Variants in PHACTR4 observed in about 807,000 individuals in gnomAD.
PHACTR4 encodes the protein protein phosphatase 1, regulatory subunit 124.
PHACTR4 carries 51 observed loss-of-function variants against 72.7 expected under a neutral mutation model. The ratio of observed to expected loss-of-function variants is 0.70; its 90% CI spans 0.56 to 0.89. PHACTR4 has a LOEUF of 0.89. PHACTR4 is among the 40% of genes least tolerant of loss of function. The pLI is 0.00. For synonymous variants in PHACTR4, 255 were observed against 302.5 expected (o/e 0.84, Z 1.63); for missense variants, 731 against 861.8 (o/e 0.85, Z 1.90).
At chr1:28,396,304 G>C (rs1653495163) in intron 1 of PHACTR4, among the ~76,000 whole-genome samples, 1 of 151,854 alleles carries the variant, frequency 6.6e-6, no homozygotes, top group African/African-American at 2.4e-5. Context: ...GGTCGAGGCA[G>C]GCGGATCATT....
At chr1:28,427,739 T>C (rs1207213365) in intron 2 of PHACTR4, among the ~76,000 whole-genome samples, 1 of 152,188 alleles carries the variant, frequency 6.6e-6, no homozygotes, top group African/African-American at 2.4e-5. Flanking sequence ...TGTCACCATC[T>C]AATGTAATGG....
At chr1:28,481,799 AAAAG>A in intron 9 of PHACTR4, among the ~76,000 whole-genome samples, 1 of 148,260 alleles carries the variant, frequency 6.7e-6, no homozygotes, top group African/African-American at 2.6e-5. Flanking sequence ...AAAAAAAAAA[AAAAG>A]AAAAGAAAAG....
chr1:28,453,082 G>C (rs904848765), intron 2 of PHACTR4, among the ~76,000 whole-genome samples: 2 of 152,126 alleles, frequency 1.3e-5, no homozygotes, highest in African/African-American at 2.4e-5. Flanking sequence ...TCACGCCATT[G>C]CACTCCAGCC....
chr1:28,382,656 C>T (rs1652276110), intron 1 of PHACTR4, among the ~76,000 whole-genome samples: 3 of 151,988 alleles, frequency 2.0e-5, no homozygotes, highest in Admixed American at 2.0e-4. Context: ...CCTAGCTTGT[C>T]TTCCAGGGTT....
chr1:28,416,329 A>G (rs1382100963), intron 2 of PHACTR4, among the ~76,000 whole-genome samples: 1 of 152,116 alleles, frequency 6.6e-6, no homozygotes, highest in Non-Finnish European at 1.5e-5. Context: ...ACATGTTTTT[A>G]CTGTTACATC....
At chr1:28,377,111 G>T (rs181177834) in intron 1 of PHACTR4, among the ~76,000 whole-genome samples, 3 of 151,908 alleles carry the variant, frequency 2.0e-5, no homozygotes, top group African/African-American at 4.8e-5. Context: ...TGTATTTTTA[G>T]TAGAGACAGG....
intron 4 of PHACTR4, among the ~76,000 whole-genome samples, chr1:28,464,203 T>C (rs919706521): frequency 6.6e-6 from 1 of 151,942 alleles, no homozygotes; most frequent in Non-Finnish European, 1.5e-5. Context: ...TGACCTCAGA[T>C]GATCCACCCG....
intron 10 of PHACTR4, chr1:28,489,944 T>A (rs1660929086): frequency 1.9e-6 from 1 of 514,454 alleles, no homozygotes; most frequent in African/African-American, 1.9e-5. Flanking sequence ...GGAGCCCTTA[T>A]AACGTATCAC....
chr1:28,496,442 T>C, intron 13 of PHACTR4, 92 bp from the exon 14 acceptor site: 1 of 1,390,754 alleles, frequency 7.2e-7, no homozygotes, highest in Non-Finnish European at 1.0e-6. Context: ...AAGGCAGTGT[T>C]AATTAGGTAT....
intron 1 of PHACTR4, among the ~76,000 whole-genome samples, chr1:28,385,334 A>T (rs1235889718): frequency 6.6e-6 from 1 of 152,000 alleles, no homozygotes; most frequent in African/African-American, 2.4e-5. Flanking sequence ...ACCAGAGGTC[A>T]GGAGTTTGAG....
At chr1:28,442,062 T>A (rs929144657) in intron 2 of PHACTR4, among the ~76,000 whole-genome samples, 3 of 152,200 alleles carry the variant, frequency 2.0e-5, no homozygotes, top group African/African-American at 7.2e-5. Context: ...GTTTTTTTGC[T>A]CACCAAAATT....
chr1:28,460,418 A>T, intron 4 of PHACTR4, 126 bp downstream of exon 4: 11 of 458,520 alleles, frequency 2.4e-5, no homozygotes, highest in East Asian at 8.8e-5. Context: ...GGTGGCCTTT[A>T]AAAAAAAAAG....
At chr1:28,447,644 T>C (rs1382881869) in intron 2 of PHACTR4, among the ~76,000 whole-genome samples, 1 of 152,120 alleles carries the variant, frequency 6.6e-6, no homozygotes, top group African/African-American at 2.4e-5. Flanking sequence ...GGCCCTTCAC[T>C]ATAAAAACAT....
chr1:28,452,547 G>A (rs1658052527), intron 2 of PHACTR4, among the ~76,000 whole-genome samples: 1 of 151,962 alleles, frequency 6.6e-6, no homozygotes, highest in African/African-American at 2.4e-5. Flanking sequence ...GCTCATGCCT[G>A]TAATCCCAGC....
intron 2 of PHACTR4, among the ~76,000 whole-genome samples, chr1:28,444,232 T>C (rs1370762098): frequency 1.7e-5 from 2 of 114,900 alleles, no homozygotes; most frequent in Admixed American, 8.5e-5. Context: ...TTTTTTTTTT[T>C]TTTTTTTTTT....
At chr1:28,397,042 G>A (rs1240001300) in intron 1 of PHACTR4, among the ~76,000 whole-genome samples, 5 of 151,884 alleles carry the variant, frequency 3.3e-5, no homozygotes, top group Non-Finnish European at 5.9e-5. Context: ...TAACACTTTA[G>A]TTGTTCAGTC....
intron 2 of PHACTR4, 48 bp from the exon 3 acceptor site, chr1:28,459,037 C>A (rs1363076763): frequency 2.6e-6 from 4 of 1,512,592 alleles, no homozygotes; most frequent in Middle Eastern, 1.9e-4. Context: ...AGAGATTATG[C>A]TGAAATAATA....
intron 8 of PHACTR4, among the ~76,000 whole-genome samples, chr1:28,480,040 T>C (rs1660183366): frequency 6.6e-6 from 1 of 152,240 alleles, no homozygotes; most frequent in Non-Finnish European, 1.5e-5. Flanking sequence ...AACATTTTCA[T>C]ACCCTCACAT....
At chr1:28,489,734 T>C (rs190242914) in intron 10 of PHACTR4, 6 of 516,140 alleles carry the variant, frequency 1.2e-5, no homozygotes, top group Non-Finnish European at 1.9e-5. Flanking sequence ...TTTCCTGAAA[T>C]AGCATTCTAA....
Sources: gnomAD v4.1 joint callset for allele counts (sites outside exome capture counted in the v4.1 genomes callset) on GRCh38, gnomAD v4.1.1 for gene constraint, MANE v1.5 for transcripts, NCBI Gene and HGNC (gene_info 2026-07-23, HGNC 2026-07-21) for gene names.